Variants in MAST2 observed in about 807,000 individuals in gnomAD.
MAST2 encodes the protein microtubule-associated serine/threonine-protein kinase 2.
A neutral mutation model predicts 147.4 loss-of-function variants in MAST2; 70 were observed. That is an observed-to-expected ratio of 0.47 (90% confidence interval 0.39 to 0.58). The LOEUF (loss-of-function observed/expected upper bound fraction) is 0.58. Ranked by LOEUF, MAST2 falls within the 20% of genes least tolerant of loss-of-function variation. The pLI is 0.00. For missense variants in MAST2, 2,080 were observed against 2,302.3 expected, an observed-to-expected ratio of 0.90 and a Z score of 1.98; for synonymous variants, 869 against 896.8, an observed-to-expected ratio of 0.97 and a Z score of 0.55.
At chr1:45,889,631 G>A (rs192750475) in intron 4 of MAST2, among the ~76,000 whole-genome samples, 14 of 152,056 alleles carry the variant, frequency 9.2e-5, no homozygotes, top group African/African-American at 3.4e-4. Context: ...TTTTGAGGCA[G>A]AATCTCACTC....
At position 46,035,380 on chromosome 1, in the gene MAST2, C is replaced by T. The variant is rs941776761; in HGVS notation, c.4711C>T (p.Pro1571Ser). The T allele has an allele frequency of 9.9e-6, 16 of 1,612,688 alleles. No homozygotes were observed. Among genetic ancestry groups the T allele is most frequent in the Non-Finnish European group, 1.4e-5 (16 of 1,179,582 alleles). Reference protein sequence around the residue: ...SLLTGITLGPPRMESPSGPHR... With the variant: ...SLLTGITLGPSRMESPSGPHR... ...ATTGACAGGGATCACACTGGGGCCT[C>T]CCAGAATGGAAAGTCCCAGTGGTCC... The change falls in exon 29 of 29, where the codon CCC becomes TCC. Residue 1571 changes from proline (P) to serine (S), a missense_variant. Physicochemically the swap from Pro to Ser is moderately conservative, Grantham distance 74. Transcript: ENST00000361297. This position sits in a 1 kb window ranked among gnomAD's most constrained non-coding sequence, Gnocchi z 5.5.
chr1:45,841,841 G>A (rs1172563749), intron 3 of MAST2, among the ~76,000 whole-genome samples: 1 of 152,178 alleles, frequency 6.6e-6, no homozygotes, highest in Non-Finnish European at 1.5e-5. Context: ...GACCATATTA[G>A]TTATGTAGGT....
In MAST2 at chr1:45,824,465, C is replaced by T; in HGVS notation, c.210C>T (p.Phe70=). ...TAACTGGAGTTAGTCCCCTGCTCTT[C>T]AGGAAACTCAGTAATCCTGACATAT... ...DVVTGVSPLL[F]RKLSNPDIFS... The change falls in exon 2 of 29, where the codon TTC becomes TTT. Residue 70 remains phenylalanine, a synonymous_variant. Coordinates refer to ENST00000361297, the MANE Select transcript of MAST2 (RefSeq NM_015112.3). The T allele has an allele frequency of 6.2e-7, 1 of 1,611,000 alleles. No homozygotes were observed. The highest frequency in any genetic ancestry group is 8.5e-7 in the Non-Finnish European group (1 of 1,178,168).
intron 4 of MAST2, among the ~76,000 whole-genome samples, chr1:45,887,097 A>G (rs113939222): frequency 5.9e-5 from 9 of 152,336 alleles, no homozygotes; most frequent in Non-Finnish European, 1.0e-4. Flanking sequence ...CAAAGTGCTT[A>G]GATTACAGGC....
At chr1:45,958,528 C>T (rs1046121643) in intron 4 of MAST2, among the ~76,000 whole-genome samples, 5 of 150,986 alleles carry the variant, frequency 3.3e-5, no homozygotes, top group Admixed American at 1.3e-4. Context: ...CTCTCTCTCT[C>T]TCTCCCTCTA....
At chr1:45,878,244 G>A (rs903039380) in intron 3 of MAST2, among the ~76,000 whole-genome samples, 2 of 148,352 alleles carry the variant, frequency 1.3e-5, no homozygotes, top group African/African-American at 4.9e-5. Context: ...ACTCAGAAAT[G>A]CAAAATTAGT....
intron 4 of MAST2, among the ~76,000 whole-genome samples, chr1:45,889,222 G>C (rs950718800): frequency 2.0e-5 from 3 of 150,776 alleles, no homozygotes; most frequent in South Asian, 4.2e-4. Flanking sequence ...ATCTCACTTT[G>C]TCACCCAGGT....
At chr1:45,977,849 T>C (rs1012591341) in intron 5 of MAST2, among the ~76,000 whole-genome samples, 1 of 135,842 alleles carries the variant, frequency 7.4e-6, no homozygotes, top group African/African-American at 2.7e-5. Flanking sequence ...ATGAAAAGAG[T>C]GAAACGAGAA....
At position 45,886,303 on chromosome 1, in the gene MAST2, T is replaced by C. The variant is rs553633291; in HGVS notation, c.500+3908T>C. ...TATATTGTATACATATTTATATATG[T>C]ATCTATAAGTACACACACACACACA... On this transcript the variant is annotated intron_variant, in intron 4 of 28. Coordinates refer to ENST00000361297, the MANE Select transcript of MAST2 (RefSeq NM_015112.3). 5.8e-5 allele frequency among the ~76,000 whole-genome samples: 6 copies of C among 103,080 alleles called. No individual in the cohort carries two copies. The East Asian group carries it at 1.6e-3, about 27-fold the overall frequency. The allele number at this position is 103,080 out of a possible 152,430, so 67.6% of individuals were successfully genotyped here. A position where few individuals can be genotyped will look rare whatever the true frequency, so the allele number is the denominator to read the frequency against.
At chr1:45,873,207 T>C (rs532506105) in intron 3 of MAST2, among the ~76,000 whole-genome samples, 1 of 150,664 alleles carries the variant, frequency 6.6e-6, no homozygotes, top group African/African-American at 2.5e-5. Context: ...TTTTTTCTCT[T>C]TTTTGAGACA....
intron 5 of MAST2, among the ~76,000 whole-genome samples, chr1:45,980,845 T>C (rs1644378126): frequency 6.6e-6 from 1 of 151,894 alleles, no homozygotes; most frequent in African/African-American, 2.4e-5. Context: ...CAGAATGTTG[T>C]TATAACATCT....
At chr1:45,845,194 T>A (rs907722078) in intron 3 of MAST2, among the ~76,000 whole-genome samples, 7 of 152,168 alleles carry the variant, frequency 4.6e-5, no homozygotes, top group African/African-American at 1.7e-4. Context: ...TGGGAGAACG[T>A]TTATGCAAGT....
chr1:46,017,659 C>T (rs1194903003), intron 10 of MAST2, among the ~76,000 whole-genome samples: 3 of 151,728 alleles, frequency 2.0e-5, no homozygotes, highest in Non-Finnish European at 4.4e-5. Context: ...ATTAAAAAGT[C>T]AGGAAACAAC....
At chr1:46,019,883 G>A (rs1280602125) in intron 11 of MAST2, among the ~76,000 whole-genome samples, 186 bp downstream of exon 11, 2 of 152,236 alleles carry the variant, frequency 1.3e-5, no homozygotes, top group African/African-American at 4.8e-5. Flanking sequence ...ATGGTCCTGA[G>A]GGGATGCGGC....
At chr1:45,962,105 A>C (rs1368907374) in intron 5 of MAST2, among the ~76,000 whole-genome samples, 3 of 151,830 alleles carry the variant, frequency 2.0e-5, no homozygotes, top group East Asian at 1.9e-4. Flanking sequence ...TGAACTCATC[A>C]TTTTTTATGG....
chr1:45,867,065 T>A (rs972082980), intron 3 of MAST2, among the ~76,000 whole-genome samples: 1 of 152,176 alleles, frequency 6.6e-6, no homozygotes, highest in Non-Finnish European at 1.5e-5. Flanking sequence ...TGCCTATTTT[T>A]AAAAAATAAA....
intron 4 of MAST2, among the ~76,000 whole-genome samples, chr1:45,940,540 G>A (rs911154927): frequency 7.9e-5 from 12 of 151,562 alleles, no homozygotes; most frequent in African/African-American, 2.7e-4. Flanking sequence ...TTTTCTTTGG[G>A]AAAACAGAAA....
intron 4 of MAST2, among the ~76,000 whole-genome samples, chr1:45,897,773 C>T (rs1233685551): frequency 6.6e-6 from 1 of 151,078 alleles, no homozygotes; most frequent in Admixed American, 6.6e-5. Flanking sequence ...CACGCCGCTG[C>T]ACTCCAGCCT....
chr1:45,810,289 A>C (rs1028022409), intron 1 of MAST2, among the ~76,000 whole-genome samples: 16 of 152,196 alleles, frequency 1.1e-4, no homozygotes, highest in African/African-American at 3.6e-4. Flanking sequence ...TGTGACAGAA[A>C]TTTTAAAAAA....
Sources: allele counts gnomAD v4.1 joint callset (sites outside exome capture counted in the v4.1 genomes callset), GRCh38; gene constraint gnomAD v4.1.1; non-coding constraint Gnocchi (gnomAD v3.1); transcripts MANE v1.5; gene names NCBI Gene and HGNC (gene_info 2026-07-23, HGNC 2026-07-21).